Variants in SLC6A11 observed in about 807,000 individuals in gnomAD.
The protein encoded by SLC6A11 is solute carrier family 6 member 11.
Under a neutral mutation model 74.8 loss-of-function variants are expected in SLC6A11, and 25 were observed. That is an observed-to-expected ratio of 0.33 (90% CI 0.24 to 0.47). The LOEUF (loss-of-function observed/expected upper bound fraction) is 0.47, where lower values mean the gene tolerates loss of function less well. Among genes scored for constraint, SLC6A11 ranks in the 20% least tolerant of loss-of-function variants. The pLI, the probability that SLC6A11 is intolerant of heterozygous loss-of-function variation, is 1.00. For synonymous variants in SLC6A11, 330 were observed against 330.2 expected, an observed-to-expected ratio of 1.00 and a Z score of 0.01; for missense variants, 574 against 837.0, an observed-to-expected ratio of 0.69 and a Z score of 3.88.
chr3:10,834,288 C>T (rs959689918), intron 4 of SLC6A11, among the ~76,000 whole-genome samples: 6 of 151,802 alleles, frequency 4.0e-5, no homozygotes, highest in Non-Finnish European at 5.9e-5. Context: ...AGTCGGACTG[C>T]TGTGTGCTGC....
intron 6 of SLC6A11, among the ~76,000 whole-genome samples, chr3:10,891,510 C>A (rs552081882): frequency 6.6e-6 from 1 of 152,262 alleles, no homozygotes; most frequent in Non-Finnish European, 1.5e-5. Context: ...GTTTTATATT[C>A]TGACACTAAA....
At chr3:10,930,265 T>C (rs999438493) in intron 10 of SLC6A11, among the ~76,000 whole-genome samples, 1 of 152,132 alleles carries the variant, frequency 6.6e-6, no homozygotes, top group Non-Finnish European at 1.5e-5. Flanking sequence ...GCACTTTGTT[T>C]GTAGCTCAGT....
At chr3:10,846,804 TG>T (rs957677328) in intron 5 of SLC6A11, among the ~76,000 whole-genome samples, 3 of 152,128 alleles carry the variant, frequency 2.0e-5, no homozygotes, top group Non-Finnish European at 4.4e-5. Flanking sequence ...GTGGAGAACC[TG>T]GGGCTAAGGG....
At chr3:10,937,178 A>T (rs909139741) in intron 13 of SLC6A11, among the ~76,000 whole-genome samples, 2 of 151,954 alleles carry the variant, frequency 1.3e-5, no homozygotes. Context: ...CCTTATACTA[A>T]CCCCGGAAGG....
At chr3:10,837,615 T>G (rs1227744353) in intron 4 of SLC6A11, among the ~76,000 whole-genome samples, 1 of 152,144 alleles carries the variant, frequency 6.6e-6, no homozygotes, top group Non-Finnish European at 1.5e-5. Context: ...ACATGTGGCG[T>G]GGTGAGCAGG....
rs1473384908 is a variant in SLC6A11, at chr3:10,861,109, G to C, written c.757-13852G>C. 2.0e-5 allele frequency among the ~76,000 whole-genome samples: 3 copies of C among 152,214 alleles called. No homozygotes were observed. The East Asian group carries it at 5.8e-4, about 29-fold the overall frequency. Reference sequence around the variant, plus strand: ...AAATCTGTAGAGAGCAGCTTCCTTTGAGAGCTACCTGTGAGGCAGGACTTG... The same window carrying C: ...AAATCTGTAGAGAGCAGCTTCCTTTCAGAGCTACCTGTGAGGCAGGACTTG... On this transcript the variant is annotated intron_variant, in intron 5 of 13. Coordinates refer to ENST00000254488, the MANE Select transcript of SLC6A11 (RefSeq NM_014229.3).
intron 4 of SLC6A11, among the ~76,000 whole-genome samples, chr3:10,832,235 C>T (rs989539501): frequency 5.3e-5 from 8 of 152,186 alleles, no homozygotes; most frequent in African/African-American, 1.7e-4. Flanking sequence ...GCAAACCCAC[C>T]CACCAGCTGC....
chr3:10,877,859 T>C lies in SLC6A11; in HGVS notation c.891+2764T>C, dbSNP rs142671051. 7.0e-4 allele frequency among the ~76,000 whole-genome samples: 106 copies of C among 152,254 alleles called. No homozygotes were observed. The East Asian group carries it at 0.019, about 27-fold the overall frequency. ...CAAGTGTTTACCACTTGGCTCTTTC[T>C]AGAAAAAGTTTGCTGACAGTGCACT... is the stretch of plus-strand genomic sequence containing the variant. On this transcript the variant is annotated intron_variant, in intron 6 of 13. Transcript: ENST00000254488.
chr3:10,869,136 C>T (rs1029197199), intron 5 of SLC6A11, among the ~76,000 whole-genome samples: 2 of 152,138 alleles, frequency 1.3e-5, no homozygotes, highest in Non-Finnish European at 2.9e-5. Flanking sequence ...GTGGATGCAG[C>T]AGGGAAAATA....
At chr3:10,858,037 T>C (rs1694659039) in intron 5 of SLC6A11, among the ~76,000 whole-genome samples, 1 of 152,152 alleles carries the variant, frequency 6.6e-6, no homozygotes, top group South Asian at 2.1e-4. Context: ...TTTCTCCATG[T>C]TTTACATTTT....
Position 10,939,058 on chromosome 3 carries a change from A to T in SLC6A11, c.*656A>T, listed in dbSNP as rs1695793464. On this transcript the variant is annotated 3_prime_UTR_variant, in exon 14 of 14. Coordinates refer to ENST00000254488, the MANE Select transcript of SLC6A11 (RefSeq NM_014229.3). ...ATGGGAGGAGGAGCCGGATTGGGTT[A>T]TTTCTTAGGGATTCTCTTTGTGTGC... 2 of 152,038 alleles carry T rather than the reference A, an allele frequency of 1.3e-5. No individual in the cohort carries two copies. Among genetic ancestry groups the T allele is most frequent in the African/African-American group, 4.8e-5 (2 of 41,362 alleles). 9.4% of individuals were successfully genotyped at this position (152,038 alleles called of 1,614,324 possible).
intron 6 of SLC6A11, among the ~76,000 whole-genome samples, chr3:10,900,850 A>G (rs1247011125): frequency 6.6e-6 from 1 of 152,136 alleles, no homozygotes; most frequent in Non-Finnish European, 1.5e-5. Context: ...CAGCCCCACC[A>G]TCATTGCCCA....
intron 4 of SLC6A11, among the ~76,000 whole-genome samples, chr3:10,825,854 T>A (rs1694202771): frequency 6.6e-6 from 1 of 152,238 alleles, no homozygotes; most frequent in Non-Finnish European, 1.5e-5. Context: ...CAAGTCTGTG[T>A]TTGGGCTCTC....
chr3:10,932,602 G>C (rs1210686249), intron 10 of SLC6A11, among the ~76,000 whole-genome samples: 5 of 152,218 alleles, frequency 3.3e-5, no homozygotes, highest in Non-Finnish European at 7.3e-5. Flanking sequence ...TAGAGGCACA[G>C]AGGTGAGGCT....
chr3:10,880,724 G>A (rs1261007250), intron 6 of SLC6A11, among the ~76,000 whole-genome samples: 2 of 152,146 alleles, frequency 1.3e-5, no homozygotes, highest in Non-Finnish European at 2.9e-5. Context: ...GGTGAAATGA[G>A]CACTTGGTGG....
At chr3:10,885,979 A>G (rs1009650671) in intron 6 of SLC6A11, among the ~76,000 whole-genome samples, 2 of 151,920 alleles carry the variant, frequency 1.3e-5, no homozygotes, top group African/African-American at 4.8e-5. Context: ...AGCTGTTCCC[A>G]CTGTCCTCAC....
intron 5 of SLC6A11, among the ~76,000 whole-genome samples, chr3:10,862,471 C>T (rs1413713650): frequency 6.6e-6 from 1 of 152,174 alleles, no homozygotes. Context: ...TTTGGATATC[C>T]TGTGGACAGG....
intron 5 of SLC6A11, among the ~76,000 whole-genome samples, chr3:10,867,621 GA>G (rs764901267): frequency 6.6e-6 from 1 of 152,212 alleles, no homozygotes; most frequent in Non-Finnish European, 1.5e-5. Flanking sequence ...AAGGACCTCA[GA>G]AACCATCCAT....
chr3:10,907,457 A>G (rs1695319707), intron 6 of SLC6A11, among the ~76,000 whole-genome samples: 1 of 152,226 alleles, frequency 6.6e-6, no homozygotes. Context: ...ACCCAAAGCA[A>G]TGGAAGAGAA....
Sources: allele counts gnomAD v4.1 joint callset (sites outside exome capture counted in the v4.1 genomes callset), GRCh38; gene constraint gnomAD v4.1.1; transcripts MANE v1.5; gene names NCBI Gene and HGNC (gene_info 2026-07-23, HGNC 2026-07-21).